Variants in REPS1 observed in about 807,000 individuals in gnomAD.
REPS1 encodes the protein ralBP1-associated Eps domain-containing protein 1.
In REPS1, 39 loss-of-function variants were observed where a neutral mutation model predicts 100.9. The ratio of observed to expected loss-of-function variants is 0.39; its 90% CI spans 0.30 to 0.50. The LOEUF (loss-of-function observed/expected upper bound fraction) is 0.50, where lower values mean the gene tolerates loss of function less well. REPS1 is among the 20% of genes least tolerant of loss of function. The pLI is 0.86. For missense variants in REPS1, 821 were observed against 968.5 expected (o/e 0.85, Z 2.02); for synonymous variants, 324 against 340.3 (o/e 0.95, Z 0.53).
chr6:138,926,585 T>C (rs1781140591), intron 9 of REPS1, 104 bp from the exon 10 acceptor site: 2 of 750,012 alleles, frequency 2.7e-6, no homozygotes, highest in African/African-American at 3.5e-5. Flanking sequence ...CTGCAAGTTG[T>C]GTTTCATAGG....
chr6:138,985,433 A>G (rs1236726141), intron 1 of REPS1, among the ~76,000 whole-genome samples: 1 of 152,190 alleles, frequency 6.6e-6, no homozygotes, highest in Non-Finnish European at 1.5e-5. Flanking sequence ...GTAGAGAACT[A>G]AGCATTAGAT....
In REPS1 at chr6:138,903,909, T is replaced by C. The variant is rs892968024; in HGVS notation, c.*1155A>G. The C allele has an allele frequency of 2.0e-5, 3 of 152,214 alleles. No individual in the cohort carries two copies. The highest frequency in any genetic ancestry group is 7.2e-5 in the African/African-American group (3 of 41,464). 9.4% of individuals were successfully genotyped at this position (152,214 alleles called of 1,614,324 possible). A position where few individuals can be genotyped will look rare whatever the true frequency, so the allele number is the denominator to read the frequency against. Reference sequence around the variant, plus strand: ...AGTAACAAAGTCTATCGGTGCAGTTTAGGACTGTGAATCTATAGTATTTAA... The same window carrying C: ...AGTAACAAAGTCTATCGGTGCAGTTCAGGACTGTGAATCTATAGTATTTAA... On this transcript the variant is annotated 3_prime_UTR_variant, in exon 20 of 20. Transcript: ENST00000450536.
chr6:138,963,947 C>G (rs1783876395), intron 1 of REPS1, among the ~76,000 whole-genome samples: 1 of 152,166 alleles, frequency 6.6e-6, no homozygotes, highest in South Asian at 2.1e-4. Flanking sequence ...ACTGACCAAC[C>G]CCACTGCCAA....
intron 11 of REPS1, among the ~76,000 whole-genome samples, chr6:138,920,795 A>AT (rs1291114235): frequency 2.0e-5 from 3 of 152,346 alleles, no homozygotes; most frequent in Admixed American, 1.3e-4. Flanking sequence ...AAGGATGAAC[A>AT]TAAAAACCCA....
At position 138,945,567 on chromosome 6, in the gene REPS1, C is replaced by T. The variant is rs1429610726; in HGVS notation, c.408G>A (p.Arg136=). Residue 136 remains arginine (R), a synonymous_variant, in exon 3 of 20, where the codon AGG becomes AGA. Transcript: ENST00000450536. ...TTACGGATCCCTTTTTCACTTGCCC[C>T]CTGCCAGGTGGTGGGGGAATTACAC... ...YSGVIPPPPG[R]GQVKKGSVSH... 6.2e-7 allele frequency: 1 copy of T among 1,612,890 alleles called. No individual in the cohort carries two copies. The highest frequency in any genetic ancestry group is 8.5e-7 in the Non-Finnish European group (1 of 1,179,684).
chr6:138,950,247 G>A (rs1453020759), intron 1 of REPS1, among the ~76,000 whole-genome samples: 2 of 152,060 alleles, frequency 1.3e-5, no homozygotes, highest in Non-Finnish European at 2.9e-5. Context: ...GCCAAGGTAG[G>A]AGGACTGCTT....
chr6:138,977,332 CAGTT>C (rs1311121295), intron 1 of REPS1, among the ~76,000 whole-genome samples: 1 of 152,120 alleles, frequency 6.6e-6, no homozygotes, highest in African/African-American at 2.4e-5. Flanking sequence ...TTTGGTTTGA[CAGTT>C]AGCATGTTGT....
chr6:138,931,797 G>C (rs114749855), intron 8 of REPS1, among the ~76,000 whole-genome samples: 70 of 152,078 alleles, frequency 4.6e-4, no homozygotes, highest in African/African-American at 1.6e-3. Flanking sequence ...TTTATCCCCA[G>C]TGATAACAAA....
chr6:138,929,814 C>T (rs965530954), intron 9 of REPS1, 163 bp downstream of exon 9: 3 of 632,718 alleles, frequency 4.7e-6, no homozygotes, highest in African/African-American at 1.8e-5. Context: ...ACTTTGAAAA[C>T]CTCGAAAAAG....
chr6:138,906,397 C>A (rs1318746989), intron 19 of REPS1, among the ~76,000 whole-genome samples: 1 of 152,212 alleles, frequency 6.6e-6, no homozygotes, highest in African/African-American at 2.4e-5. Flanking sequence ...ATAAGTTTAT[C>A]TAGGACAATC....
At position 138,914,761 on chromosome 6, in the gene REPS1, C is replaced by T; in HGVS notation, c.1721G>A (p.Gly574Glu). The T allele has an allele frequency of 6.2e-7, 1 of 1,608,918 alleles. No homozygotes were observed. The highest frequency in any genetic ancestry group is 1.7e-4 in the Middle Eastern group (1 of 6,042). The change falls in exon 15 of 20, where the codon GGA becomes GAA. Residue 574 changes from glycine (G) to glutamate (E), a missense_variant and splice_region_variant. Gly to Glu is a moderately conservative substitution (Grantham distance 98). Around this residue, in one of 3 missense-constraint regions of REPS1, gnomAD observed 757 missense variants for 866.4 expected, o/e 0.87. Coordinates refer to ENST00000450536, the MANE Select transcript of REPS1 (RefSeq NM_001286611.2). Reference sequence around the variant, plus strand: ...GGCAACAACTCCAGCCTGTTGTTGTCCTGCATGAATACAAAAGTTCTTCTT... The same window carrying T: ...GGCAACAACTCCAGCCTGTTGTTGTTCTGCATGAATACAAAAGTTCTTCTT... ...DMNRTFTVTT[G>E]QQQAGVVAHP...
chr6:138,959,397 G>A (rs895172067), intron 1 of REPS1, among the ~76,000 whole-genome samples: 1 of 152,064 alleles, frequency 6.6e-6, no homozygotes, highest in Non-Finnish European at 1.5e-5. Context: ...ACACAATGAC[G>A]AATGCATTGG....
At chr6:138,908,079 T>G (rs1779779132) in intron 18 of REPS1, among the ~76,000 whole-genome samples, 1 of 152,180 alleles carries the variant, frequency 6.6e-6, no homozygotes, top group African/African-American at 2.4e-5. Context: ...ATCTGCTGAT[T>G]CCTGGTCTAG....
At position 138,958,594 on chromosome 6, in the gene REPS1, C is replaced by T. The variant is rs1294134339; in HGVS notation, c.154-10681G>A. On this transcript the variant is annotated intron_variant, in intron 1 of 19. Coordinates refer to ENST00000450536, the MANE Select transcript of REPS1 (RefSeq NM_001286611.2). ...TCCCACTTATGAGTGAGAACAAAAG[C>T]ATATAGATTTTTGACAATGCAAATT... is the stretch of plus-strand genomic sequence containing the variant. Among the ~76,000 whole-genome samples the T allele has an allele frequency of 2.0e-5, 3 of 152,128 alleles. No homozygotes were observed. In the East Asian group the frequency reaches 5.8e-4, roughly 29 times the overall value.
chr6:138,978,884 G>C (rs1164638833), intron 1 of REPS1, among the ~76,000 whole-genome samples: 1 of 151,904 alleles, frequency 6.6e-6, no homozygotes, highest in African/African-American at 2.4e-5. Flanking sequence ...CTTCCCCACT[G>C]TTAAAACTGA....
At chr6:138,951,614 C>T (rs1313675380) in intron 1 of REPS1, among the ~76,000 whole-genome samples, 1 of 152,142 alleles carries the variant, frequency 6.6e-6, no homozygotes, top group Non-Finnish European at 1.5e-5. Context: ...AGCTCGCAAA[C>T]TACTTTTTTC....
intron 8 of REPS1, among the ~76,000 whole-genome samples, chr6:138,930,301 C>T (rs577998455): frequency 6.6e-6 from 1 of 152,170 alleles, no homozygotes; most frequent in South Asian, 2.1e-4. Flanking sequence ...AAAACCACAG[C>T]TTTTCATGAA....
At chr6:138,909,442 TA>T (rs1779867014) in intron 17 of REPS1, among the ~76,000 whole-genome samples, 1 of 152,234 alleles carries the variant, frequency 6.6e-6, no homozygotes, top group Non-Finnish European at 1.5e-5. Context: ...AGTTAAGTGA[TA>T]TTTTTAATTT....
At chr6:138,905,794 T>C (rs546128362) in intron 19 of REPS1, among the ~76,000 whole-genome samples, 166 of 152,334 alleles carry the variant, frequency 1.1e-3, no homozygotes, top group African/African-American at 3.7e-3. Flanking sequence ...TCCCTAGTGA[T>C]GACATCTGGC....
Sources: gnomAD v4.1 joint callset for allele counts (sites outside exome capture counted in the v4.1 genomes callset) on GRCh38, gnomAD v4.1.1 for gene constraint, gnomAD v4.1.1 regional missense constraint, MANE v1.5 for transcripts, NCBI Gene and HGNC (gene_info 2026-07-23, HGNC 2026-07-21) for gene names.